The following LRP2 variants were observed in gnomAD, a reference collection of about 807,000 sequenced individuals.
LRP2 encodes low-density lipoprotein receptor-related protein 2.
In LRP2, 172 loss-of-function variants were observed where a neutral mutation model predicts 531.0. The ratio of observed to expected loss-of-function variants is 0.32; its 90% CI spans 0.29 to 0.37. The LOEUF (loss-of-function observed/expected upper bound fraction) is 0.37. LRP2 is among the 10% of genes least tolerant of loss of function. LRP2 has a pLI of 1.00. For synonymous variants in LRP2, 1,992 were observed against 2,027.6 expected (o/e 0.98, Z 0.47); for missense variants, 5,167 against 5,868.3 (o/e 0.88, Z 3.90).
chr2:169,180,028 A>T (rs1687370387), intron 52 of LRP2, among the ~76,000 whole-genome samples: 1 of 152,162 alleles, frequency 6.6e-6, no homozygotes, highest in Non-Finnish European at 1.5e-5. Context: ...AGATTTTATC[A>T]AAAAGTGAAC....
At position 169,206,935 on chromosome 2, in the gene LRP2, C is replaced by A. The variant is rs201740125; in HGVS notation, c.6785G>T (p.Arg2262Leu). Residue 2262 changes from arginine to leucine, a missense_variant, in exon 39 of 79, where the codon CGT (arginine) becomes CTT (leucine). Coordinates refer to ENST00000649046, the MANE Select transcript of LRP2 (RefSeq NM_004525.3). ...DDSLDIIARIRINGENSEVIR... is the reference protein window; with the variant it reads ...DDSLDIIARILINGENSEVIR... ...CACTTCAGAGTTCTCTCCATTGATA[C>A]GAATCCTTGCAATTATATCTAAAGA... The A allele has an allele frequency of 6.2e-6, 10 of 1,614,088 alleles. No individual in the cohort carries two copies. In the Admixed American group the frequency reaches 8.3e-5, roughly 13 times the overall value.
intron 74 of LRP2, 112 bp from the exon 75 acceptor site, chr2:169,138,818 C>T: frequency 8.3e-7 from 1 of 1,202,606 alleles, no homozygotes; most frequent in Non-Finnish European, 1.2e-6. Context: ...AAATCTTCCT[C>T]AAATGTAATG....
At chr2:169,207,397 G>C (rs1329693088) in intron 38 of LRP2, 147 bp from the exon 39 acceptor site, 3 of 660,928 alleles carry the variant, frequency 4.5e-6, no homozygotes, top group Non-Finnish European at 8.0e-6. Context: ...TCCCAGTCTA[G>C]GCTTAGAAAA....
rs971081813 is a variant in LRP2 at position 169,289,052 on chromosome 2, T to C, written c.1016A>G (p.Asn339Ser). ...ACFCPPGYII[N>S]HNDSRTCVEF... ...AACACAGGTACGGCTGTCATTGTGG[T>C]TGATGATATAACCTGGGGGACAAAA... Residue 339 changes from asparagine to serine, a missense_variant, in exon 9 of 79, where the codon AAC becomes AGC. Around this residue, in one of 6 missense-constraint regions of LRP2, gnomAD observed 2,811 missense variants for 3,058.0 expected, o/e 0.92. Transcript: ENST00000649046. The C allele has an allele frequency of 8.1e-6, 13 of 1,614,034 alleles. No homozygotes were observed. The highest frequency in any genetic ancestry group is 1.1e-5 in the Non-Finnish European group (13 of 1,179,974).
At chr2:169,299,131 G>GAAAGAAAGAAAAAAGAAAGAAAGAA (rs1439883642) in intron 4 of LRP2, among the ~76,000 whole-genome samples, 1 of 72,038 alleles carries the variant, frequency 1.4e-5, no homozygotes, top group African/African-American at 4.9e-5. Flanking sequence ...AAGAAAGAAA[G>GAAAGAAAGAAAAAAGAAAGAAAGAA]AAAGAAAGAA....
chr2:169,197,344 A>G (rs1688040296), intron 45 of LRP2, among the ~76,000 whole-genome samples: 2 of 152,244 alleles, frequency 1.3e-5, no homozygotes, highest in East Asian at 1.9e-4. Flanking sequence ...TCTTGGTTTT[A>G]TTTTTTCTAC....
intron 3 of LRP2, among the ~76,000 whole-genome samples, chr2:169,316,510 G>T (rs936675061): frequency 3.9e-5 from 6 of 152,098 alleles, no homozygotes; most frequent in Admixed American, 6.6e-5. Flanking sequence ...CCTCATAGTG[G>T]GTTAAATGCT....
intron 57 of LRP2, 103 bp downstream of exon 57, chr2:169,172,988 CAAAGA>C (rs1157924339): frequency 8.2e-6 from 12 of 1,458,208 alleles, no homozygotes; most frequent in African/African-American, 4.2e-5. Context: ...CAGAGGTAAA[CAAAGA>C]AAAGATGACA....
chr2:169,361,330 G>GTCTCTC (rs1405262223), intron 1 of LRP2, among the ~76,000 whole-genome samples: 9 of 32,176 alleles, frequency 2.8e-4, no homozygotes, highest in African/African-American at 1.2e-3. Context: ...GTCTCTCTCT[G>GTCTCTC]TCTCTCTCTG....
chr2:169,315,959 CAAAA>C lies in LRP2; in HGVS notation c.310+2799_310+2802del, dbSNP rs536458606. On this transcript the variant is annotated intron_variant, in intron 3 of 78. Transcript: ENST00000649046. ...GCAACATGGGAAAACCCCATCTCTACAAAAAAAAAAAAAAAAAAAAAAAATACAA... is the reference window on the plus strand; with the variant it reads ...GCAACATGGGAAAACCCCATCTCTACAAAAAAAAAAAAAAAAAAAATACAA... Among the ~76,000 whole-genome samples the C allele has an allele frequency of 4.7e-3, 345 of 73,750 alleles. 2 individuals are homozygous for C. Among genetic ancestry groups the C allele is most frequent in the African/African-American group, 0.014 (275 of 19,734 alleles). The allele number at this position is 73,750 out of a possible 152,430, so 48.4% of individuals were successfully genotyped here. A position where few individuals can be genotyped will look rare whatever the true frequency, so the allele number is the denominator to read the frequency against.
In LRP2 at chr2:169,289,092, A is replaced by G. The variant is rs1171253186; in HGVS notation, c.976T>C (p.Tyr326His). Residue 326 changes from tyrosine (Y) to histidine (H), a missense_variant, in exon 9 of 79, where the codon TAT becomes CAT. By Grantham distance (83) the Tyr-to-His change is moderately conservative (BLOSUM62 2). Transcript: ENST00000649046. ...GGGGGACAAAAACACGCTCCTCCAT[A>G]CGGCGTCTCATGGCACTGGTACTGG... ...NCQYQCHETP[Y>H]GGACFCPPGY... The G allele has an allele frequency of 3.7e-6, 6 of 1,614,118 alleles. No individual in the cohort carries two copies. The highest frequency in any genetic ancestry group is 5.1e-6 in the Non-Finnish European group (6 of 1,179,988).
At chr2:169,273,779 G>A (rs1683483156) in intron 14 of LRP2, among the ~76,000 whole-genome samples, 1 of 152,150 alleles carries the variant, frequency 6.6e-6, no homozygotes, top group South Asian at 2.1e-4. Flanking sequence ...CTTCTCAGGT[G>A]GATTGATTTG....
rs771990338 is a variant in LRP2 at position 169,231,698 on chromosome 2, A to G, written c.5227+16T>C. ...CCAGCTCCATCTTCAGAGCTCACAT[A>G]AGGAGCATACTATACCTCTCAAGCA... On this transcript the variant is annotated intron_variant, in intron 31 of 78. Transcript: ENST00000649046. The G allele has an allele frequency of 1.4e-5, 23 of 1,613,628 alleles. No homozygotes were observed.
intron 44 of LRP2, among the ~76,000 whole-genome samples, chr2:169,200,025 C>T (rs911999299): frequency 2.6e-4 from 39 of 152,134 alleles, no homozygotes; most frequent in African/African-American, 3.6e-4. Context: ...CCAAGGTGGG[C>T]GGATCATGAG....
chr2:169,241,963 C>G (rs938650726), intron 24 of LRP2, among the ~76,000 whole-genome samples: 2 of 152,158 alleles, frequency 1.3e-5, no homozygotes, highest in Admixed American at 6.5e-5. Context: ...AAACTCTCTA[C>G]CAGGGATCTC....
chr2:169,334,929 T>C (rs895580176), intron 1 of LRP2, among the ~76,000 whole-genome samples: 1 of 152,166 alleles, frequency 6.6e-6, no homozygotes, highest in Non-Finnish European at 1.5e-5. Flanking sequence ...CCACTACTCA[T>C]CTAATTCTAA....
chr2:169,259,112 C>T lies in LRP2; in HGVS notation c.2426G>A (p.Ser809Asn), dbSNP rs759522776. ...YWTDSHYKSI[S>N]VMRLADKTRR... is the part of the protein sequence containing the mutation. The stretch of plus-strand genomic sequence containing the variant: ...CGTTTTATCAGCTAGCCTCATGACA[C>T]TGATACTCTTGTAATGAGAGTCTGT... Residue 809 changes from serine (S) to asparagine (N), a missense_variant, in exon 17 of 79, where the codon AGT becomes AAT. Transcript: ENST00000649046. 2 of 1,612,822 alleles carry T rather than the reference C, an allele frequency of 1.2e-6. No individual in the cohort carries two copies. The highest frequency in any genetic ancestry group is 1.7e-6 in the Non-Finnish European group (2 of 1,179,046).
intron 70 of LRP2, among the ~76,000 whole-genome samples, chr2:169,143,590 G>A (rs1685805835): frequency 6.6e-6 from 1 of 152,196 alleles, no homozygotes; most frequent in Non-Finnish European, 1.5e-5. Flanking sequence ...AGCTTGCAGT[G>A]AGCCGAGATT....
At chr2:169,310,818 A>G (rs1574245077) in intron 3 of LRP2, among the ~76,000 whole-genome samples, 1 of 152,170 alleles carries the variant, frequency 6.6e-6, no homozygotes, top group African/African-American at 2.4e-5. Context: ...TCGGCTGTGA[A>G]TCAGTCTGGT....
Sources: allele counts gnomAD v4.1 joint callset (sites outside exome capture counted in the v4.1 genomes callset), GRCh38; gene constraint gnomAD v4.1.1; regional missense constraint gnomAD v4.1.1; transcripts MANE v1.5; gene names NCBI Gene and HGNC (gene_info 2026-07-23, HGNC 2026-07-21).